Variants in IQCJ observed in about 807,000 individuals in gnomAD.
IQCJ encodes IQ motif containing J, also known as IQ domain-containing protein J.
IQCJ carries 9 observed loss-of-function variants against 11.0 expected under a neutral mutation model. That is an observed-to-expected ratio of 0.82 (90% CI 0.49 to 1.43). The LOEUF (loss-of-function observed/expected upper bound fraction) is 1.43, where lower values mean the gene tolerates loss of function less well. IQCJ is among the 40% of genes most tolerant of loss of function. IQCJ has a pLI of 0.00. For missense variants in IQCJ, 146 were observed against 133.2 expected (o/e 1.10, Z -0.47); for synonymous variants, 55 against 51.3 (o/e 1.07, Z -0.31).
chr3:159,192,879 G>A (rs1723773025), intron 1 of IQCJ, among the ~76,000 whole-genome samples: 2 of 152,098 alleles, frequency 1.3e-5, no homozygotes, highest in African/African-American at 4.8e-5. Context: ...TCTCTCAAGG[G>A]GAAGCTTACA....
chr3:159,091,696 A>G (rs930195729), intron 1 of IQCJ, among the ~76,000 whole-genome samples: 8 of 150,578 alleles, frequency 5.3e-5, no homozygotes, highest in Non-Finnish European at 7.4e-5. Flanking sequence ...ACACACACAC[A>G]CACACACACA....
chr3:159,101,302 G>T (rs1051998542), intron 1 of IQCJ, among the ~76,000 whole-genome samples: 8 of 151,552 alleles, frequency 5.3e-5, no homozygotes, highest in Non-Finnish European at 8.8e-5. Context: ...CGGTACCTCA[G>T]ATGGAAATGC....
chr3:159,222,162 A>C (rs898963258), intron 1 of IQCJ, among the ~76,000 whole-genome samples: 10 of 152,180 alleles, frequency 6.6e-5, no homozygotes, highest in Admixed American at 3.3e-4. Flanking sequence ...TACCAAAAGT[A>C]AATGAAATCA....
chr3:159,126,020 G>A (rs1237347029), intron 1 of IQCJ, among the ~76,000 whole-genome samples: 1 of 152,254 alleles, frequency 6.6e-6, no homozygotes, highest in Non-Finnish European at 1.5e-5. Flanking sequence ...TGAGAGCAGG[G>A]CGGGGCACAT....
At chr3:159,208,056 G>A (rs1234758123) in intron 1 of IQCJ, among the ~76,000 whole-genome samples, 1 of 152,154 alleles carries the variant, frequency 6.6e-6, no homozygotes, top group Admixed American at 6.5e-5. Context: ...CGGTATGGGA[G>A]TGGAGCAACT....
At chr3:159,247,295 C>G (rs1258806832) in intron 2 of IQCJ, among the ~76,000 whole-genome samples, 2 of 152,076 alleles carry the variant, frequency 1.3e-5, no homozygotes, top group Non-Finnish European at 2.9e-5. Flanking sequence ...CAGGGCTTCA[C>G]CGTGTTGCCA....
At chr3:159,134,242 T>G (rs1433279094) in intron 1 of IQCJ, among the ~76,000 whole-genome samples, 2 of 152,110 alleles carry the variant, frequency 1.3e-5, no homozygotes, top group African/African-American at 2.4e-5. Context: ...GTAAGTCTGA[T>G]AGCAAGATGG....
chr3:159,161,851 C>T lies in IQCJ; in HGVS notation c.10-83992C>T, dbSNP rs1167902083. Among the ~76,000 whole-genome samples, 6 of 152,136 alleles carry T rather than the reference C, an allele frequency of 3.9e-5. No homozygotes were observed. The East Asian group carries it at 5.8e-4, about 15-fold the overall frequency. ...AGATCAGATAGCTGTAGATATGTGG[C>T]GTTATTTCTGAGGGCTCTGTTCTGT... is the stretch of plus-strand genomic sequence containing the variant. On this transcript the variant is annotated intron_variant, in intron 1 of 3. Coordinates refer to ENST00000397832, the MANE Select transcript of IQCJ (RefSeq NM_001042706.3).
At chr3:159,090,051 T>G (rs1174439299) in intron 1 of IQCJ, among the ~76,000 whole-genome samples, 1 of 151,792 alleles carries the variant, frequency 6.6e-6, no homozygotes. Flanking sequence ...CTTTGTGGTT[T>G]TATCTACTTT....
intron 1 of IQCJ, among the ~76,000 whole-genome samples, chr3:159,186,925 C>A (rs1314889796): frequency 6.6e-6 from 1 of 152,166 alleles, no homozygotes; most frequent in African/African-American, 2.4e-5. Flanking sequence ...GAAAAACAAG[C>A]CTCGAGGTGA....
chr3:159,253,564 G>A (rs1727722813), intron 3 of IQCJ, among the ~76,000 whole-genome samples: 1 of 151,136 alleles, frequency 6.6e-6, no homozygotes, highest in African/African-American at 2.4e-5. Flanking sequence ...TATGAGAAAT[G>A]CCAGTGAGTG....
chr3:159,188,430 C>T (rs1164621446), intron 1 of IQCJ, among the ~76,000 whole-genome samples: 2 of 151,646 alleles, frequency 1.3e-5, no homozygotes, highest in Admixed American at 6.6e-5. Context: ...ACAAAAACAA[C>T]AACAAAAAAC....
intron 3 of IQCJ, among the ~76,000 whole-genome samples, chr3:159,254,511 A>G (rs979795608): frequency 3.3e-5 from 5 of 152,204 alleles, no homozygotes; most frequent in African/African-American, 4.8e-5. Flanking sequence ...AGAAAACTTA[A>G]TCTTGCCCAA....
chr3:159,221,794 A>G (rs995574480), intron 1 of IQCJ, among the ~76,000 whole-genome samples: 10 of 151,994 alleles, frequency 6.6e-5, no homozygotes, highest in Non-Finnish European at 1.3e-4. Flanking sequence ...CCTTTCTGCC[A>G]GGGAAGTGAC....
intron 1 of IQCJ, among the ~76,000 whole-genome samples, chr3:159,095,061 G>T (rs1292139207): frequency 6.6e-6 from 1 of 151,720 alleles, no homozygotes. Flanking sequence ...AAGGACACTG[G>T]TTGCCACATA....
chr3:159,148,002 T>C (rs1405630500), intron 1 of IQCJ, among the ~76,000 whole-genome samples: 3 of 152,234 alleles, frequency 2.0e-5, no homozygotes, highest in Non-Finnish European at 2.9e-5. Flanking sequence ...ATGCAAATCC[T>C]TGGGCCCCAC....
rs138643356 is a variant in IQCJ at position 159,138,149 on chromosome 3, C to T, written c.9+68708C>T. Among the ~76,000 whole-genome samples, 35 of 152,312 alleles carry T rather than the reference C, an allele frequency of 2.3e-4. No homozygotes were observed. The East Asian group carries it at 6.0e-3, about 26-fold the overall frequency. ...ACGTGTTCCTGCCCCACAGCTCAGA[C>T]GGGACAGTTGGAGGCCTGTTCTTTT... On this transcript the variant is annotated intron_variant, in intron 1 of 3. Transcript: ENST00000397832.
chr3:159,190,561 A>C (rs1723624488), intron 1 of IQCJ, among the ~76,000 whole-genome samples: 1 of 152,180 alleles, frequency 6.6e-6, no homozygotes, highest in South Asian at 2.1e-4. Context: ...TGCATTTGAC[A>C]GGAATTGAGG....
downstream of IQCJ, among the ~76,000 whole-genome samples, chr3:159,264,901 A>AG (rs1335998966): frequency 6.6e-4 from 96 of 145,106 alleles, no homozygotes; most frequent in African/African-American, 2.2e-3. Flanking sequence ...TGGATGACAG[A>AG]GGGGAAAACA....
Sources: allele counts gnomAD v4.1 joint callset (sites outside exome capture counted in the v4.1 genomes callset), GRCh38; gene constraint gnomAD v4.1.1; transcripts MANE v1.5; gene names NCBI Gene and HGNC (gene_info 2026-07-23, HGNC 2026-07-21).